The following AFF2 variants were observed in gnomAD, a reference collection of about 807,000 sequenced individuals.
The protein encoded by AFF2 is ALF transcription elongation factor 2.
A neutral mutation model predicts 76.9 loss-of-function variants in AFF2; 14 were observed. The ratio of observed to expected loss-of-function variants is 0.18; its 90% CI spans 0.12 to 0.28. The LOEUF (loss-of-function observed/expected upper bound fraction) is 0.28. Among genes scored for constraint, AFF2 ranks in the 10% least tolerant of loss-of-function variants. The pLI, the probability that AFF2 is intolerant of heterozygous loss-of-function variation, is 1.00. For synonymous variants in AFF2, 398 were observed against 366.7 expected, an observed-to-expected ratio of 1.09 and a Z score of -0.98; for missense variants, 868 against 1,001.1, an observed-to-expected ratio of 0.87 and a Z score of 1.79.
At chrX:148,986,874 G>A (rs180781336) in intron 19 of AFF2, among the ~76,000 whole-genome samples, 15 of 112,732 alleles carry the variant, frequency 1.3e-4, no homozygotes, top group South Asian at 3.8e-4. Context: ...TTCAAAGGAA[G>A]AGCTATATTT....
intron 9 of AFF2, among the ~76,000 whole-genome samples, chrX:148,918,413 T>G (rs990793437): frequency 9.0e-6 from 1 of 111,731 alleles, no homozygotes; most frequent in South Asian, 3.8e-4. Context: ...TTGGGAAGAA[T>G]TATGGAGGGT....
chrX:148,675,894 T>C (rs782214657), intron 3 of AFF2, among the ~76,000 whole-genome samples: 4 of 110,264 alleles, frequency 3.6e-5, no homozygotes, highest in Non-Finnish European at 7.6e-5. Flanking sequence ...ACACCAGAGA[T>C]GTAAGCCTGA....
intron 4 of AFF2, among the ~76,000 whole-genome samples, chrX:148,822,735 G>C (rs782556483): frequency 9.2e-6 from 1 of 109,257 alleles, no homozygotes; most frequent in Non-Finnish European, 1.9e-5. Context: ...GTGTGTGTGT[G>C]TGTGGCTGAT....
At chrX:148,850,309 A>G (rs2070717454) in intron 7 of AFF2, among the ~76,000 whole-genome samples, 2 of 112,090 alleles carry the variant, frequency 1.8e-5, no homozygotes. Flanking sequence ...ATAATTAGAA[A>G]GTGGCTTTAT....
chrX:148,829,641 T>A (rs781792757), intron 4 of AFF2, among the ~76,000 whole-genome samples: 156 of 112,187 alleles, frequency 1.4e-3, no homozygotes, highest in African/African-American at 4.9e-3. Context: ...CTCATATATA[T>A]CTTTGACTTT....
rs967470798 is a variant in AFF2, at chrX:148,564,140, A to G, written c.47+62996A>G. Among the ~76,000 whole-genome samples, 7 of 112,082 alleles carry G rather than the reference A, an allele frequency of 6.2e-5. No individual in the cohort carries two copies. In the South Asian group the frequency reaches 2.6e-3, roughly 42 times the overall value. On this transcript the variant is annotated intron_variant, in intron 1 of 20. Transcript: ENST00000370460. ...TCACTTCTTCCCTCACTGTTGAAAT[A>G]TTCAATAAATCTATAGCAGCACTTA...
At chrX:148,623,942 G>A (rs971625117) in intron 1 of AFF2, among the ~76,000 whole-genome samples, 13 of 111,276 alleles carry the variant, frequency 1.2e-4, no homozygotes, top group Non-Finnish European at 2.4e-4. Flanking sequence ...TAGAAGGTCT[G>A]TGATAAGCTG....
At chrX:148,901,284 A>G (rs191772180) in intron 8 of AFF2, among the ~76,000 whole-genome samples, 1 of 111,173 alleles carries the variant, frequency 9.0e-6, no homozygotes, top group East Asian at 2.8e-4. Flanking sequence ...CTAACATTTT[A>G]ATTTCTTTTA....
In AFF2 at chrX:148,506,768, T is replaced by C. The variant is rs782734568; in HGVS notation, c.47+5624T>C. 2.7e-5 allele frequency among the ~76,000 whole-genome samples: 3 copies of C among 111,731 alleles called. No individual in the cohort carries two copies. In the South Asian group the frequency reaches 1.1e-3, roughly 42 times the overall value. On this transcript the variant is annotated intron_variant, in intron 1 of 20. Transcript: ENST00000370460. ...CATTTCTTTCCAAAGCTTTCTAATC[T>C]TACCATATGTATTAATTGATTGGAC...
chrX:148,622,822 C>G (rs782378438), intron 1 of AFF2, among the ~76,000 whole-genome samples: 1 of 112,051 alleles, frequency 8.9e-6, no homozygotes, highest in South Asian at 3.7e-4. Context: ...CTGCCACTCT[C>G]CTTCCCATGC....
intron 1 of AFF2, among the ~76,000 whole-genome samples, chrX:148,648,889 TG>T (rs1397099405): frequency 3.6e-5 from 4 of 112,028 alleles, no homozygotes; most frequent in Non-Finnish European, 7.5e-5. Context: ...CTAAGAGTGA[TG>T]AATCCTTGAG....
At chrX:148,504,333 A>G (rs1557232231) in intron 1 of AFF2, among the ~76,000 whole-genome samples, 1 of 111,123 alleles carries the variant, frequency 9.0e-6, no homozygotes, top group Non-Finnish European at 1.9e-5. Context: ...ACAGAAAGGG[A>G]CACATTCTTA....
At chrX:148,977,548 C>G (rs781883354) in intron 16 of AFF2, among the ~76,000 whole-genome samples, 4 of 107,546 alleles carry the variant, frequency 3.7e-5, no homozygotes, top group African/African-American at 7.2e-5. Context: ...TTGTCCACCT[C>G]TCATTGAAAA....
chrX:148,744,023 G>A (rs782221389), intron 3 of AFF2, among the ~76,000 whole-genome samples: 1 of 111,236 alleles, frequency 9.0e-6, no homozygotes, highest in Non-Finnish European at 1.9e-5. Flanking sequence ...TAGGATTTCT[G>A]TATAGAAACA....
chrX:148,869,959 A>T (rs1423629160), intron 7 of AFF2, among the ~76,000 whole-genome samples: 1 of 111,605 alleles, frequency 9.0e-6, no homozygotes, highest in Non-Finnish European at 1.9e-5. Context: ...TCAAGACCTT[A>T]TCTCCAAATA....
chrX:148,674,058 G>A (rs1166368298), intron 3 of AFF2, among the ~76,000 whole-genome samples: 1 of 111,969 alleles, frequency 8.9e-6, no homozygotes, highest in Non-Finnish European at 1.9e-5. Flanking sequence ...TATATGGTCT[G>A]TCTGTCACAA....
intron 1 of AFF2, among the ~76,000 whole-genome samples, chrX:148,625,510 C>T (rs1181355688): frequency 1.8e-5 from 2 of 110,224 alleles, no homozygotes; most frequent in Non-Finnish European, 3.8e-5. Context: ...CATTATCAGT[C>T]GCATCTGGCC....
At chrX:148,800,455 G>C (rs2070042031) in intron 3 of AFF2, among the ~76,000 whole-genome samples, 2 of 112,068 alleles carry the variant, frequency 1.8e-5, no homozygotes, top group Non-Finnish European at 3.8e-5. Flanking sequence ...ACTGATATCT[G>C]AGTTTTTGGT....
chrX:148,957,918 C>T lies in AFF2; in HGVS notation c.2569-419C>T, dbSNP rs190263614. On this transcript the variant is annotated intron_variant, in intron 11 of 20. Transcript: ENST00000370460. The stretch of plus-strand genomic sequence containing the variant: ...ACGTGATGCTCATTGTGTAAGCAAC[C>T]TTTATATGTCAGCCATGATCCCCAT... Among the ~76,000 whole-genome samples, 27 of 112,487 alleles carry T rather than the reference C, an allele frequency of 2.4e-4. No homozygotes were observed. In the East Asian group the frequency reaches 7.6e-3, roughly 32 times the overall value.
Sources: allele counts gnomAD v4.1 joint callset (sites outside exome capture counted in the v4.1 genomes callset), GRCh38; gene constraint gnomAD v4.1.1; transcripts MANE v1.5; gene names NCBI Gene and HGNC (gene_info 2026-07-23, HGNC 2026-07-21).